TYW1B: variants seen among roughly 807,000 people sequenced by gnomAD.
TYW1B encodes tRNA-yW synthesizing protein 1 homolog B, also known as S-adenosyl-L-methionine-dependent tRNA 4-demethylwyosine synthase TYW1B.
In TYW1B, 73 loss-of-function variants were observed where a neutral mutation model predicts 86.9. The observed-to-expected ratio is 0.84, with a 90% CI of 0.70 to 1.02. The LOEUF is 1.02. Ranked by LOEUF, TYW1B falls within the 50% of genes least tolerant of loss-of-function variation. The pLI is 0.00. For synonymous variants in TYW1B, 248 were observed against 292.8 expected (o/e 0.85, Z 1.56); for missense variants, 637 against 827.4 (o/e 0.77, Z 2.82).
At chr7:72,794,502 G>A (rs1275227473) in intron 6 of TYW1B, among the ~76,000 whole-genome samples, 7 of 151,940 alleles carry the variant, frequency 4.6e-5, no homozygotes, top group Admixed American at 3.3e-4. Flanking sequence ...GTTGCAGTGA[G>A]CTGAGATTGT....
rs561117986 is a variant in TYW1B, at chr7:72,801,275, G to A, written c.846+1125C>T. Among the ~76,000 whole-genome samples the A allele has an allele frequency of 2.6e-5, 4 of 152,076 alleles. No homozygotes were observed. In the East Asian group the frequency reaches 7.7e-4, roughly 29 times the overall value. ...ACCCAGGAGGCAGAGGTTGCAGTGA[G>A]CCGAGATCCCACCACTGCGCTCCAG... On this transcript the variant is annotated intron_variant, in intron 6 of 13. Transcript: ENST00000620995.
At chr7:72,757,263 G>A (rs1277734938) in intron 7 of TYW1B, among the ~76,000 whole-genome samples, 1 of 151,782 alleles carries the variant, frequency 6.6e-6, no homozygotes, top group Non-Finnish European at 1.5e-5. Flanking sequence ...AGCTACTCAG[G>A]AGGCTGAGGC....
At chr7:72,724,212 C>G (rs1786957335) in intron 9 of TYW1B, among the ~76,000 whole-genome samples, 1 of 152,136 alleles carries the variant, frequency 6.6e-6, no homozygotes, top group African/African-American at 2.4e-5. Context: ...TGGCTCATGC[C>G]TGTAATCCCA....
intron 10 of TYW1B, among the ~76,000 whole-genome samples, chr7:72,706,128 A>C (rs1425054014): frequency 6.6e-6 from 1 of 152,194 alleles, no homozygotes. Flanking sequence ...CATATGAAAC[A>C]CACATGAATA....
chr7:72,704,402 C>G (rs1814563586), intron 10 of TYW1B, among the ~76,000 whole-genome samples: 1 of 144,042 alleles, frequency 6.9e-6, no homozygotes, highest in Non-Finnish European at 1.5e-5. Context: ...CCACTGCACT[C>G]CAGCATAGGA....
chr7:72,579,356 T>G (rs1213578352), intron 13 of TYW1B, among the ~76,000 whole-genome samples: 3 of 152,242 alleles, frequency 2.0e-5, no homozygotes, highest in Admixed American at 6.5e-5. Flanking sequence ...CTGACTGCTC[T>G]GATTCCCAAA....
chr7:72,769,148 T>A, intron 7 of TYW1B: 1 of 465,218 alleles, frequency 2.1e-6, no homozygotes. Flanking sequence ...GTGTTGCCAT[T>A]CATGTGTGCT....
chr7:72,733,159 AACACACACACAC>A (rs145935571), intron 8 of TYW1B, among the ~76,000 whole-genome samples: 1,838 of 147,184 alleles, frequency 0.012, 18 homozygotes, highest in Middle Eastern at 0.021. Context: ...CCAAACCTAA[AACACACACACAC>A]ACACACACAC....
At chr7:72,728,201 T>A (rs1456150717) in intron 9 of TYW1B, among the ~76,000 whole-genome samples, 2 of 152,190 alleles carry the variant, frequency 1.3e-5, no homozygotes, top group African/African-American at 2.4e-5. Context: ...GCTGCTCAGC[T>A]CAACGAGACA....
In TYW1B at chr7:72,807,421, T is replaced by C; in HGVS notation, c.433-65A>G. The C allele has an allele frequency of 2.6e-6, 4 of 1,548,538 alleles. No individual in the cohort carries two copies. In the South Asian group the frequency reaches 5.0e-5, roughly 19 times the overall value. The stretch of plus-strand genomic sequence containing the variant: ...TAAATCAGGGTTTTCCAGACTGCTC[T>C]GCAAAAGCCCAAAGTCCTTCTGGGG... On this transcript the variant is annotated intron_variant, in intron 4 of 13. Coordinates refer to ENST00000620995, the MANE Select transcript of TYW1B (RefSeq NM_001145440.3).
At chr7:72,805,024 C>T (rs1338681770) in intron 5 of TYW1B, among the ~76,000 whole-genome samples, 1 of 151,946 alleles carries the variant, frequency 6.6e-6, no homozygotes, top group African/African-American at 2.4e-5. Context: ...CTTGGTTCTG[C>T]GACCTTGGGA....
Position 72,674,170 on chromosome 7 carries a change from G to A in TYW1B, c.1506+20517C>T, listed in dbSNP as rs570403140. Among the ~76,000 whole-genome samples, 399 of 152,202 alleles carry A rather than the reference G, an allele frequency of 2.6e-3. 1 individual carries two copies. Among genetic ancestry groups the A allele is most frequent in the African/African-American group, 8.6e-3 (359 of 41,526 alleles). On this transcript the variant is annotated intron_variant, in intron 11 of 13. Transcript: ENST00000620995. ...GCCCTTAGCCACAAGGAGGTAGCTG[G>A]CCAGCCCATTCTCAGAAAGTCACTT... is the stretch of plus-strand genomic sequence containing the variant.
chr7:72,609,830 G>A (rs571965271), intron 13 of TYW1B, among the ~76,000 whole-genome samples: 3 of 152,184 alleles, frequency 2.0e-5, no homozygotes, highest in Non-Finnish European at 4.4e-5. Flanking sequence ...GATCAACAAC[G>A]AAAAGGAAAA....
At chr7:72,774,062 C>CA (rs35480783) in intron 7 of TYW1B, among the ~76,000 whole-genome samples, 992 of 54,424 alleles carry the variant, frequency 0.018, 6 homozygotes, top group Middle Eastern at 0.057. Flanking sequence ...AACTCCATCT[C>CA]AAAAAAAAAA....
chr7:72,625,122 C>G (rs1438974756), intron 12 of TYW1B, among the ~76,000 whole-genome samples: 2 of 151,744 alleles, frequency 1.3e-5, no homozygotes, highest in Non-Finnish European at 2.9e-5. Flanking sequence ...ATTATAAAAT[C>G]TCTCAGAGTA....
intron 12 of TYW1B, among the ~76,000 whole-genome samples, chr7:72,618,802 C>T (rs1812144647): frequency 6.6e-6 from 1 of 152,130 alleles, no homozygotes; most frequent in Non-Finnish European, 1.5e-5. Flanking sequence ...GTTAAAGAAA[C>T]CAACGACTAA....
intron 9 of TYW1B, among the ~76,000 whole-genome samples, chr7:72,722,147 A>G (rs1786916181): frequency 6.6e-6 from 1 of 152,180 alleles, no homozygotes; most frequent in Non-Finnish European, 1.5e-5. Flanking sequence ...GTTTCTGAAA[A>G]CAATTAACAG....
At chr7:72,584,081 CT>C (rs1811217964) in intron 13 of TYW1B, among the ~76,000 whole-genome samples, 1 of 152,222 alleles carries the variant, frequency 6.6e-6, no homozygotes, top group Admixed American at 6.5e-5. Flanking sequence ...GGGTCTTCCT[CT>C]GTCGCCCAGA....
chr7:72,822,700 C>T (rs1294101999), intron 2 of TYW1B, among the ~76,000 whole-genome samples: 1 of 152,168 alleles, frequency 6.6e-6, no homozygotes, highest in Non-Finnish European at 1.5e-5. Flanking sequence ...TAATCCTATC[C>T]TGTAATCCTA....
Sources: allele counts gnomAD v4.1 joint callset (sites outside exome capture counted in the v4.1 genomes callset), GRCh38; gene constraint gnomAD v4.1.1; transcripts MANE v1.5; gene names NCBI Gene and HGNC (gene_info 2026-07-23, HGNC 2026-07-21).